The following PBX1 variants were observed in gnomAD, a reference collection of about 807,000 sequenced individuals.
The protein encoded by PBX1 is PBX homeobox 1.
In PBX1, 6 loss-of-function variants were observed where a neutral mutation model predicts 53.4. The observed-to-expected ratio is 0.11, with a 90% CI of 0.06 to 0.22. The LOEUF is 0.22. Among genes scored for constraint, PBX1 ranks in the 10% least tolerant of loss-of-function variants. The pLI is 1.00. For synonymous variants in PBX1, 204 were observed against 212.3 expected (o/e 0.96, Z 0.34); for missense variants, 251 against 551.4 (o/e 0.46, Z 5.46).
Position 164,847,138 on chromosome 1 carries a change from A to G in PBX1, c.*462A>G, listed in dbSNP as rs549714267. 131 of 1,089,184 alleles carry G rather than the reference A, an allele frequency of 1.2e-4. 1 individual carries two copies. Among genetic ancestry groups the G allele is most frequent in the Middle Eastern group, 4.1e-4 (1 of 2,448 alleles). The allele number at this position is 1,089,184 out of a possible 1,614,324, so 67.5% of individuals were successfully genotyped here. ...CCCTCACTCCCTATGTTAACAGGCA[A>G]TCCTTCTCTGTTTCTCTTATTACTC... is the stretch of plus-strand genomic sequence containing the variant. On this transcript the variant is annotated 3_prime_UTR_variant, in exon 9 of 9. Transcript: ENST00000420696.
chr1:164,818,403 A>T (rs1669979381), intron 6 of PBX1: 1 of 152,206 alleles, frequency 6.6e-6, no homozygotes, highest in African/African-American at 2.4e-5. Context: ...CAGATAAGCT[A>T]AACAGAGAAA....
At chr1:164,748,243 G>T (rs1666005127) in intron 2 of PBX1, among the ~76,000 whole-genome samples, 1 of 152,178 alleles carries the variant, frequency 6.6e-6, no homozygotes, top group South Asian at 2.1e-4. Context: ...AATACAAAAG[G>T]TGTGTGTGTC....
At chr1:164,670,417 T>TA (rs1004771648) in intron 2 of PBX1, among the ~76,000 whole-genome samples, 1 of 152,104 alleles carries the variant, frequency 6.6e-6, no homozygotes, top group Non-Finnish European at 1.5e-5. Context: ...TTACTCTCAT[T>TA]AAAAAATATG....
At chr1:164,859,511 C>T (rs1025541070) in intron 2 of PBX1, among the ~76,000 whole-genome samples, 1 of 152,196 alleles carries the variant, frequency 6.6e-6, no homozygotes, top group African/African-American at 2.4e-5. Context: ...TCCTAGCTCT[C>T]TGCACATCAC....
chr1:164,761,048 G>T (rs566391063), intron 2 of PBX1, among the ~76,000 whole-genome samples: 1 of 152,040 alleles, frequency 6.6e-6, no homozygotes, highest in African/African-American at 2.4e-5. Flanking sequence ...TTTCTTTTTG[G>T]TGTCTATTTC....
chr1:164,792,849 T>A, intron 3 of PBX1, 111 bp downstream of exon 3: 1 of 821,038 alleles, frequency 1.2e-6, no homozygotes, highest in South Asian at 1.9e-5. Flanking sequence ...GGTGCTGGCA[T>A]CCCTGTGCCC....
intron 3 of PBX1, among the ~76,000 whole-genome samples, chr1:164,795,947 C>T (rs1265361028): frequency 6.6e-6 from 1 of 150,942 alleles, no homozygotes; most frequent in Non-Finnish European, 1.5e-5. Flanking sequence ...CCTCCAAAAA[C>T]AAAACAAAAA....
At chr1:164,815,671 G>C (rs546873329) in intron 6 of PBX1, 1 of 152,352 alleles carries the variant, frequency 6.6e-6, no homozygotes, top group African/African-American at 2.4e-5. Context: ...GAAGTGCCGA[G>C]TGAAGTGGGG....
intron 2 of PBX1, chr1:164,769,973 T>C (rs1294841811): frequency 1.3e-5 from 2 of 152,188 alleles, no homozygotes; most frequent in African/African-American, 4.8e-5. Context: ...CCCAGGGTAG[T>C]GCAAAGAGCA....
intron 2 of PBX1, among the ~76,000 whole-genome samples, chr1:164,611,065 G>A (rs1168805841): frequency 4.6e-5 from 7 of 152,070 alleles, no homozygotes; most frequent in Non-Finnish European, 1.0e-4. Context: ...TCCTCCCCAT[G>A]TTCTTTTGCT....
intron 2 of PBX1, among the ~76,000 whole-genome samples, chr1:164,590,641 A>G (rs1379099851): frequency 2.6e-5 from 4 of 152,114 alleles, no homozygotes; most frequent in South Asian, 2.1e-4. Context: ...CCAAAAGTGT[A>G]TGCTTTTACC....
intron 2 of PBX1, among the ~76,000 whole-genome samples, chr1:164,601,463 A>G (rs1656169190): frequency 6.6e-6 from 1 of 152,146 alleles, no homozygotes; most frequent in South Asian, 2.1e-4. Flanking sequence ...AGGTAAGCCC[A>G]TTATGAAGGG....
chr1:164,624,618 A>G (rs1657917164), intron 2 of PBX1, among the ~76,000 whole-genome samples: 1 of 152,240 alleles, frequency 6.6e-6, no homozygotes, highest in South Asian at 2.1e-4. Context: ...TGTCATGGAC[A>G]CACATGCAGA....
chr1:164,837,602 C>T (rs1671102004), intron 8 of PBX1, among the ~76,000 whole-genome samples: 1 of 152,114 alleles, frequency 6.6e-6, no homozygotes, highest in African/African-American at 2.4e-5. Flanking sequence ...GCTGTGCAGG[C>T]AGAGGTTATT....
intron 2 of PBX1, among the ~76,000 whole-genome samples, chr1:164,709,609 T>G (rs1166399367): frequency 6.6e-6 from 1 of 151,952 alleles, no homozygotes; most frequent in East Asian, 1.9e-4. Flanking sequence ...CTGCAATTTC[T>G]TGCATAGGTC....
rs992744793 is a variant in PBX1 at position 164,842,865 on chromosome 1, T to G, written c.1201-3719T>G. ...CAGAAAGTAGAGAGGGAAGCTGAGG[T>G]GCAGAAAAAAAATAAAAATAAAAGT... On this transcript the variant is annotated intron_variant, in intron 8 of 8. Transcript: ENST00000420696. Among the ~76,000 whole-genome samples the G allele has an allele frequency of 4.6e-5, 7 of 151,982 alleles. No homozygotes were observed. In the South Asian group the frequency reaches 1.5e-3, roughly 31 times the overall value.
intron 2 of PBX1, among the ~76,000 whole-genome samples, chr1:164,653,740 A>C (rs1659980630): frequency 6.6e-6 from 1 of 152,222 alleles, no homozygotes; most frequent in South Asian, 2.1e-4. Flanking sequence ...ACTGCACTCC[A>C]GCCTGGGTAA....
chr1:164,883,315 CAATT>C (rs1033897658), intron 2 of PBX1, among the ~76,000 whole-genome samples: 1 of 152,160 alleles, frequency 6.6e-6, no homozygotes. Flanking sequence ...TCAACTCAAT[CAATT>C]GTCATTTTGG....
intron 8 of PBX1, among the ~76,000 whole-genome samples, chr1:164,842,071 G>T (rs535888576): frequency 8.5e-5 from 13 of 152,120 alleles, no homozygotes; most frequent in African/African-American, 1.4e-4. Context: ...TAAGGTAATC[G>T]CAGAGGAAGA....
Sources: allele counts gnomAD v4.1 joint callset (sites outside exome capture counted in the v4.1 genomes callset), GRCh38; gene constraint gnomAD v4.1.1; transcripts MANE v1.5; gene names NCBI Gene and HGNC (gene_info 2026-07-23, HGNC 2026-07-21).